NR3C2: variants seen among roughly 807,000 people sequenced by gnomAD.
The protein encoded by NR3C2 is mineralocorticoid receptor.
NR3C2 carries 15 observed loss-of-function variants against 86.4 expected under a neutral mutation model. The ratio of observed to expected loss-of-function variants is 0.17; its 90% confidence interval spans 0.12 to 0.27. The LOEUF is 0.27. NR3C2 is among the 10% of genes least tolerant of loss of function. NR3C2 has a pLI of 1.00. For missense variants in NR3C2, 960 were observed against 1,195.6 expected (o/e 0.80, Z 2.91); for synonymous variants, 458 against 450.5 (o/e 1.02, Z -0.21).
At chr4:148,305,118 A>G (rs1742549232) in intron 2 of NR3C2, among the ~76,000 whole-genome samples, 1 of 152,146 alleles carries the variant, frequency 6.6e-6, no homozygotes, top group Non-Finnish European at 1.5e-5. Flanking sequence ...TAGAAAACAA[A>G]TGTAAAGCTT....
intron 6 of NR3C2, among the ~76,000 whole-genome samples, chr4:148,130,772 C>G (rs1029839400): frequency 1.3e-5 from 2 of 150,060 alleles, no homozygotes; most frequent in African/African-American, 4.9e-5. Flanking sequence ...CAAGAGGAGG[C>G]CTCTCAATGA....
intron 2 of NR3C2, among the ~76,000 whole-genome samples, chr4:148,431,535 C>T (rs966416142): frequency 6.6e-5 from 10 of 152,076 alleles, no homozygotes; most frequent in Admixed American, 1.3e-4. Context: ...CTAGGTCCGG[C>T]GTCCATTCTA....
intron 2 of NR3C2, among the ~76,000 whole-genome samples, chr4:148,311,124 C>T (rs1390694215): frequency 1.3e-5 from 2 of 152,152 alleles, no homozygotes; most frequent in African/African-American, 4.8e-5. Context: ...CTGTACTTTT[C>T]AATCTCTTTT....
intron 2 of NR3C2, among the ~76,000 whole-genome samples, chr4:148,329,700 A>G (rs1744140107): frequency 2.0e-5 from 3 of 152,238 alleles, no homozygotes; most frequent in Non-Finnish European, 4.4e-5. Flanking sequence ...AGGACTTTCT[A>G]CATTTTATAG....
chr4:148,092,121 T>C lies in NR3C2; in HGVS notation c.2800-10622A>G, dbSNP rs566008298. 1.1e-4 allele frequency among the ~76,000 whole-genome samples: 16 copies of C among 152,320 alleles called. No homozygotes were observed. In the East Asian group the frequency reaches 2.3e-3, roughly 22 times the overall value. On this transcript the variant is annotated intron_variant, in intron 8 of 8. Transcript: ENST00000358102. The stretch of plus-strand genomic sequence containing the variant: ...GGCATGGAATCATTTTTGGAAAATG[T>C]CATGCTCGTGGGCAGCAGCTGCTTC...
chr4:148,143,638 A>AAAAAC (rs1164418131), intron 6 of NR3C2, among the ~76,000 whole-genome samples: 4 of 152,204 alleles, frequency 2.6e-5, no homozygotes, highest in East Asian at 1.9e-4. Flanking sequence ...AGGGTTTTAT[A>AAAAAC]AAAACAAAAC....
At chr4:148,085,060 C>CT (rs773156114) in intron 8 of NR3C2, among the ~76,000 whole-genome samples, 1 of 151,972 alleles carries the variant, frequency 6.6e-6, no homozygotes, top group Non-Finnish European at 1.5e-5. Flanking sequence ...TATTGGGAGA[C>CT]TTTAACACCC....
chr4:148,179,066 C>A (rs1306926142), intron 4 of NR3C2, among the ~76,000 whole-genome samples: 1 of 151,294 alleles, frequency 6.6e-6, no homozygotes, highest in East Asian at 1.9e-4. Flanking sequence ...TGTAATAAAA[C>A]TCCATTATCT....
rs1260002364 is a variant in NR3C2, at chr4:148,194,806, G to A, written c.1954C>T (p.Arg652Ter). 1 of 1,612,410 alleles carries A rather than the reference G, an allele frequency of 6.2e-7. No homozygotes were observed. ...RNDCIIDKIR[R>*]KNCPACRLQK... is the part of the protein sequence containing the mutation. ...AGTCTGCAAGCAGGACAATTCTTTC[G>A]TCGAATCTTATCAATGATGCAATCA... The change falls in exon 4 of 9, where the codon CGA becomes TGA. Residue 652 changes from arginine to a stop codon, truncating the protein, a stop_gained. Transcript: ENST00000358102. LOFTEE classifies it high-confidence loss of function.
chr4:148,303,124 A>G lies in NR3C2; in HGVS notation c.1758-43007T>C, dbSNP rs1742426132. ...CTAAAGTCTATTTTGCAAACAACTCAGTGCTATCATAATTTTTTTTTAACA... is the reference window on the plus strand; with the variant it reads ...CTAAAGTCTATTTTGCAAACAACTCGGTGCTATCATAATTTTTTTTTAACA... On this transcript the variant is annotated intron_variant, in intron 2 of 8. Transcript: ENST00000358102. Among the ~76,000 whole-genome samples, 2 of 152,218 alleles carry G rather than the reference A, an allele frequency of 1.3e-5. 1 individual carries two copies. Among genetic ancestry groups the G allele is most frequent in the Non-Finnish European group, 2.9e-5 (2 of 68,038 alleles).
chr4:148,440,925 A>T (rs1750308280), intron 1 of NR3C2, among the ~76,000 whole-genome samples: 2 of 152,240 alleles, frequency 1.3e-5, no homozygotes, highest in African/African-American at 4.8e-5. Flanking sequence ...TATTTATTTG[A>T]CTATAAGATG....
chr4:148,121,910 T>A (rs1331045373), intron 6 of NR3C2, among the ~76,000 whole-genome samples: 1 of 152,222 alleles, frequency 6.6e-6, no homozygotes, highest in African/African-American at 2.4e-5. Context: ...TCTTTATTGC[T>A]ATCACAAATG....
chr4:148,399,614 A>C (rs1013821867), intron 2 of NR3C2, among the ~76,000 whole-genome samples: 24 of 142,684 alleles, frequency 1.7e-4, no homozygotes, highest in African/African-American at 6.2e-4. Flanking sequence ...AGCATATTTC[A>C]AAAAAAATTT....
At chr4:148,300,251 C>A (rs1264222321) in intron 2 of NR3C2, among the ~76,000 whole-genome samples, 1 of 152,154 alleles carries the variant, frequency 6.6e-6, no homozygotes, top group Non-Finnish European at 1.5e-5. Context: ...GAAAATGAGT[C>A]CTTTCTCGTT....
At chr4:148,320,583 C>T (rs942544307) in intron 2 of NR3C2, among the ~76,000 whole-genome samples, 2 of 148,960 alleles carry the variant, frequency 1.3e-5, no homozygotes, top group South Asian at 2.2e-4. Flanking sequence ...AGAGATTCAA[C>T]TTCTTCCTAG....
intron 8 of NR3C2, among the ~76,000 whole-genome samples, chr4:148,084,088 A>G (rs1730702444): frequency 6.6e-6 from 1 of 152,232 alleles, no homozygotes; most frequent in African/African-American, 2.4e-5. Context: ...ACCAAGTTGG[A>G]AAACACTCTT....
chr4:148,086,013 G>T (rs987989486), intron 8 of NR3C2, among the ~76,000 whole-genome samples: 1 of 152,126 alleles, frequency 6.6e-6, no homozygotes, highest in Non-Finnish European at 1.5e-5. Context: ...AAAAGTCCAG[G>T]ACTGGACGGA....
At chr4:148,294,803 C>A (rs1003960963) in intron 2 of NR3C2, among the ~76,000 whole-genome samples, 1 of 151,722 alleles carries the variant, frequency 6.6e-6, no homozygotes, top group African/African-American at 2.4e-5. Context: ...ACAGCAAGAC[C>A]CTGTCTCTAC....
chr4:148,158,425 T>A (rs1205492659), intron 4 of NR3C2, among the ~76,000 whole-genome samples: 1 of 152,228 alleles, frequency 6.6e-6, no homozygotes. Flanking sequence ...TGTCTCCCTC[T>A]CTTATCTCTC....
Sources: gnomAD v4.1 joint callset for allele counts (sites outside exome capture counted in the v4.1 genomes callset) on GRCh38, gnomAD v4.1.1 for gene constraint, MANE v1.5 for transcripts, NCBI Gene and HGNC (gene_info 2026-07-23, HGNC 2026-07-21) for gene names.